Variants in NEGR1 observed in about 807,000 individuals in gnomAD.
The protein encoded by NEGR1 is neuronal growth regulator 1.
In NEGR1, 10 loss-of-function variants were observed where a neutral mutation model predicts 40.9. That is an observed-to-expected ratio of 0.24 (90% CI 0.15 to 0.42). NEGR1 has a LOEUF of 0.42. Among genes scored for constraint, NEGR1 ranks in the 10% least tolerant of loss-of-function variants. The pLI, the probability that NEGR1 is intolerant of heterozygous loss-of-function variation, is 1.00. For missense variants in NEGR1, 352 were observed against 438.9 expected, an observed-to-expected ratio of 0.80 and a Z score of 1.77; for synonymous variants, 185 against 166.8, an observed-to-expected ratio of 1.11 and a Z score of -0.84.
intron 3 of NEGR1, among the ~76,000 whole-genome samples, chr1:71,728,628 C>T (rs1654753653): frequency 6.6e-6 from 1 of 152,146 alleles, no homozygotes; most frequent in Admixed American, 6.6e-5. Context: ...AGGAACTTTA[C>T]TGGCTGTGTG....
At chr1:71,709,131 C>A (rs1217387160) in intron 3 of NEGR1, among the ~76,000 whole-genome samples, 2 of 152,058 alleles carry the variant, frequency 1.3e-5, no homozygotes, top group Non-Finnish European at 1.5e-5. Flanking sequence ...ATTGCTAGGT[C>A]AAATGTATTT....
chr1:72,072,049 C>A (rs1248341785), intron 1 of NEGR1, among the ~76,000 whole-genome samples: 1 of 152,072 alleles, frequency 6.6e-6, no homozygotes, highest in Non-Finnish European at 1.5e-5. Flanking sequence ...TGTTTTCTAG[C>A]CTCTCTTACT....
chr1:71,912,278 T>C (rs536939489), intron 2 of NEGR1, among the ~76,000 whole-genome samples: 1 of 152,272 alleles, frequency 6.6e-6, no homozygotes, highest in African/African-American at 2.4e-5. Context: ...TCTTCCTCCA[T>C]CTTCAAAGTT....
intron 6 of NEGR1, chr1:71,461,417 A>C (rs1646713828): frequency 6.6e-6 from 1 of 152,190 alleles, no homozygotes; most frequent in Non-Finnish European, 1.5e-5. Context: ...TGAAGGTCTT[A>C]CTTTCATTTT....
chr1:71,499,278 G>A (rs1186110206), intron 6 of NEGR1, among the ~76,000 whole-genome samples: 1 of 151,608 alleles, frequency 6.6e-6, no homozygotes, highest in Non-Finnish European at 1.5e-5. Context: ...TTTAAAAATG[G>A]ACCAGATTAT....
chr1:72,213,857 T>G (rs1653699038), intron 1 of NEGR1, among the ~76,000 whole-genome samples: 1 of 151,992 alleles, frequency 6.6e-6, no homozygotes, highest in Non-Finnish European at 1.5e-5. Context: ...TCTCCCTAAT[T>G]CATTTTATGA....
intron 2 of NEGR1, among the ~76,000 whole-genome samples, chr1:71,896,035 C>CTTTTTTT (rs71074810): frequency 2.7e-5 from 3 of 111,202 alleles, no homozygotes; most frequent in Non-Finnish European, 3.5e-5. Flanking sequence ...TAACGTTTAA[C>CTTTTTTT]TTTTTTTTTT....
At chr1:72,179,069 G>A (rs1292167091) in intron 1 of NEGR1, among the ~76,000 whole-genome samples, 1 of 151,770 alleles carries the variant, frequency 6.6e-6, no homozygotes, top group Non-Finnish European at 1.5e-5. Flanking sequence ...TCATCATGAC[G>A]TCTCTGCCTG....
intron 2 of NEGR1, among the ~76,000 whole-genome samples, chr1:71,846,349 T>G (rs1659408473): frequency 6.6e-6 from 1 of 151,868 alleles, no homozygotes; most frequent in African/African-American, 2.4e-5. Context: ...TTATCTCCTT[T>G]GTTCTTCAGC....
chr1:71,884,344 A>C (rs1195924127), intron 2 of NEGR1, among the ~76,000 whole-genome samples: 1 of 152,138 alleles, frequency 6.6e-6, no homozygotes, highest in Non-Finnish European at 1.5e-5. Flanking sequence ...TGACTAGACC[A>C]TACCCCCATC....
At chr1:71,587,469 A>T (rs1170886704) in intron 6 of NEGR1, among the ~76,000 whole-genome samples, 1 of 151,954 alleles carries the variant, frequency 6.6e-6, no homozygotes. Flanking sequence ...GAAAGGAGAC[A>T]TTCCAGAAAG....
intron 1 of NEGR1, among the ~76,000 whole-genome samples, chr1:72,203,187 C>A (rs1017283664): frequency 1.3e-5 from 2 of 152,192 alleles, no homozygotes; most frequent in African/African-American, 4.8e-5. Flanking sequence ...AGTGATTCCA[C>A]TGATGGATCT....
intron 1 of NEGR1, among the ~76,000 whole-genome samples, chr1:72,108,735 G>C (rs557373231): frequency 7.7e-4 from 117 of 151,648 alleles, no homozygotes; most frequent in Non-Finnish European, 1.4e-3. Flanking sequence ...GGAATCTGGA[G>C]AGGTATTCAA....
chr1:71,569,865 G>C (rs772624714), intron 6 of NEGR1, among the ~76,000 whole-genome samples: 1 of 152,162 alleles, frequency 6.6e-6, no homozygotes, highest in Non-Finnish European at 1.5e-5. Context: ...TCAGACACAA[G>C]TGTGGCTCAC....
intron 4 of NEGR1, among the ~76,000 whole-genome samples, chr1:71,625,177 T>C (rs974941982): frequency 2.6e-5 from 4 of 151,980 alleles, no homozygotes; most frequent in East Asian, 1.9e-4. Context: ...ATTCCCACTA[T>C]CATGTGCCTC....
At chr1:72,157,770 T>C (rs1651412338) in intron 1 of NEGR1, among the ~76,000 whole-genome samples, 1 of 152,172 alleles carries the variant, frequency 6.6e-6, no homozygotes, top group Non-Finnish European at 1.5e-5. Flanking sequence ...CTGCGAGTCA[T>C]TAAACTGACA....
intron 2 of NEGR1, among the ~76,000 whole-genome samples, chr1:71,832,239 G>C (rs764862246): frequency 2.0e-5 from 3 of 151,988 alleles, no homozygotes; most frequent in Non-Finnish European, 4.4e-5. Context: ...TGGAAGAATA[G>C]TGATACCGGT....
rs1647020886 is a variant in NEGR1, at chr1:72,048,232, T to G, written c.177-112921A>C. ...AGAAGTGATAACGACAGCACTTAAT[T>G]CCCATGGAACTCTTTCTTCGTTAAA... On this transcript the variant is annotated intron_variant, in intron 1 of 6. Transcript: ENST00000357731. 3.3e-5 allele frequency among the ~76,000 whole-genome samples: 5 copies of G among 151,582 alleles called. No homozygotes were observed. The Admixed American group carries it at 3.3e-4, about 10-fold the overall frequency.
chr1:71,451,977 G>C (rs1419482703), intron 6 of NEGR1, among the ~76,000 whole-genome samples: 1 of 152,126 alleles, frequency 6.6e-6, no homozygotes, highest in Non-Finnish European at 1.5e-5. Flanking sequence ...TCAAGCACCA[G>C]TAGGGATTCA....
Sources: gnomAD v4.1 joint callset for allele counts (sites outside exome capture counted in the v4.1 genomes callset) on GRCh38, gnomAD v4.1.1 for gene constraint, MANE v1.5 for transcripts, NCBI Gene and HGNC (gene_info 2026-07-23, HGNC 2026-07-21) for gene names.